Variants in TECTB observed in about 807,000 individuals in gnomAD.
The protein encoded by TECTB is beta-tectorin.
In TECTB, 45 loss-of-function variants were observed where a neutral mutation model predicts 43.3. The observed-to-expected ratio is 1.04, with a 90% CI of 0.82 to 1.33. The LOEUF is 1.33. TECTB is among the 40% of genes most tolerant of loss of function. TECTB has a pLI of 0.00. For synonymous variants in TECTB, 169 were observed against 156.7 expected (o/e 1.08, Z -0.59); for missense variants, 399 against 404.7 (o/e 0.99, Z 0.12).
At chr10:112,292,428 T>G (rs1365406442) in intron 5 of TECTB, among the ~76,000 whole-genome samples, 1 of 151,942 alleles carries the variant, frequency 6.6e-6, no homozygotes, top group Non-Finnish European at 1.5e-5. Context: ...AGTGTTTAGT[T>G]TTTGAGGTTT....
At position 112,299,885 on chromosome 10, in the gene TECTB, G is replaced by A. The variant is rs549460163; in HGVS notation, c.907+321G>A. Among the ~76,000 whole-genome samples the A allele has an allele frequency of 3.5e-4, 54 of 152,204 alleles. 1 individual carries two copies. In the South Asian group the frequency reaches 7.5e-3, roughly 21 times the overall value. On this transcript the variant is annotated intron_variant, in intron 9 of 10. Coordinates refer to ENST00000646139, the MANE Select transcript of TECTB (RefSeq NM_058222.3). ...ATAGAAAATGAGATGTCATGGGGCC[G>A]GGCTCGGTGGCTCACGCCTGTAATC...
Position 112,303,385 on chromosome 10 carries a change from G to C in TECTB, c.*73G>C. On this transcript the variant is annotated 3_prime_UTR_variant, in exon 11 of 11. Coordinates refer to ENST00000646139, the MANE Select transcript of TECTB (RefSeq NM_058222.3). ...GAATGACAAACACATTTATTGTGCT[G>C]CCAAAAAGAACAAACAGAAGACCAC... 6.3e-7 allele frequency: 1 copy of C among 1,580,194 alleles called. No homozygotes were observed. The highest frequency in any genetic ancestry group is 8.7e-7 in the Non-Finnish European group (1 of 1,149,854).
In TECTB at chr10:112,299,637, G is replaced by A. The variant is rs761643095; in HGVS notation, c.907+73G>A. On this transcript the variant is annotated intron_variant, in intron 9 of 10. Transcript: ENST00000646139. ...TGGGCTGCGTCCACAGGCACAGCCGGTTTGAGCATTTTTACTGAATTGCCA... is the reference window on the plus strand; with the variant it reads ...TGGGCTGCGTCCACAGGCACAGCCGATTTGAGCATTTTTACTGAATTGCCA... The A allele has an allele frequency of 5.8e-6, 9 of 1,550,210 alleles. No individual in the cohort carries two copies. In the Admixed American group the frequency reaches 1.2e-4, roughly 20 times the overall value.
rs1392277524 is a variant in TECTB at position 112,304,686 on chromosome 10, G to C, written c.*1374G>C. 1 of 141,488 alleles carries C rather than the reference G, an allele frequency of 7.1e-6. No homozygotes were observed. Among genetic ancestry groups the C allele is most frequent in the Non-Finnish European group, 1.5e-5 (1 of 68,008 alleles). 8.8% of individuals were successfully genotyped at this position (141,488 alleles called of 1,614,324 possible). A position where few individuals can be genotyped will look rare whatever the true frequency, so the allele number is the denominator to read the frequency against. ...TACAACTTGTGTTAGTGAACTCAGA[G>C]ATTAAACTAGTTATGAAATCTCCGG... On this transcript the variant is annotated 3_prime_UTR_variant, in exon 11 of 11. Coordinates refer to ENST00000646139, the MANE Select transcript of TECTB (RefSeq NM_058222.3).
chr10:112,288,003 C>T (rs1221521126), intron 5 of TECTB, among the ~76,000 whole-genome samples: 1 of 152,096 alleles, frequency 6.6e-6, no homozygotes, highest in Admixed American at 6.5e-5. Flanking sequence ...CTAAATACAG[C>T]ATGGGCCACC....
rs770716878 is a variant in TECTB, at chr10:112,301,394, TGA to T, written c.908-706_908-705del. ...TACACTCTAGCCTGGGCAACAAGAG[TGA>T]AACTCTGTCTCAAAAAAAAAAAAAA... On this transcript the variant is annotated intron_variant, in intron 9 of 10. Coordinates refer to ENST00000646139, the MANE Select transcript of TECTB (RefSeq NM_058222.3). Among the ~76,000 whole-genome samples the T allele has an allele frequency of 4.4e-5, 6 of 137,356 alleles. No individual in the cohort carries two copies. The East Asian group carries it at 1.1e-3, about 25-fold the overall frequency. 90.1% of individuals were successfully genotyped at this position (137,356 alleles called of 152,430 possible). A position where few individuals can be genotyped will look rare whatever the true frequency, so the allele number is the denominator to read the frequency against.
intron 7 of TECTB, 68 bp downstream of exon 7, chr10:112,294,129 G>T: frequency 1.5e-6 from 2 of 1,372,786 alleles, no homozygotes; most frequent in Non-Finnish European, 2.1e-6. Flanking sequence ...CTTTGCTCTG[G>T]CTTGGGAAAG....
chr10:112,290,451 A>C (rs547527545), intron 5 of TECTB, among the ~76,000 whole-genome samples: 1 of 152,226 alleles, frequency 6.6e-6, no homozygotes, highest in Non-Finnish European at 1.5e-5. Flanking sequence ...GAACTCAATC[A>C]TTAGTGTTCT....
At chr10:112,301,129 C>T (rs888422108) in intron 9 of TECTB, among the ~76,000 whole-genome samples, 4 of 152,192 alleles carry the variant, frequency 2.6e-5, no homozygotes, top group Admixed American at 1.3e-4. Context: ...GTAGAAATTA[C>T]GTGAAATTCA....
At chr10:112,286,538 T>G in intron 5 of TECTB, 147 bp downstream of exon 5, 1 of 832,240 alleles carries the variant, frequency 1.2e-6, no homozygotes, top group Non-Finnish European at 1.8e-6. Context: ...TTGGTTTAGC[T>G]TTAAACCTCT....
chr10:112,286,400 T>C lies in TECTB; in HGVS notation c.483+9T>C. ...CTCTCAACTTCTACACTGTAAGTGG[T>C]CTCCAGGTTCCCATTACTTCCCTGT... On this transcript the variant is annotated intron_variant, in intron 5 of 10. Transcript: ENST00000646139. The C allele has an allele frequency of 6.2e-7, 1 of 1,600,544 alleles. No individual in the cohort carries two copies. The highest frequency in any genetic ancestry group is 2.2e-5 in the East Asian group (1 of 44,460).
intron 9 of TECTB, 145 bp downstream of exon 9, chr10:112,299,709 TC>T: frequency 1.2e-6 from 1 of 809,410 alleles, no homozygotes; most frequent in Non-Finnish European, 2.0e-6. Context: ...CCTGGAGTCT[TC>T]CAGCCAGGGG....
Position 112,299,569 on chromosome 10 carries a change from GCGTCTC to G in TECTB, c.907+6_907+11del. The G allele has an allele frequency of 7.1e-6, 11 of 1,556,534 alleles. No individual in the cohort carries two copies. The highest frequency in any genetic ancestry group is 8.6e-6 in the Non-Finnish European group (10 of 1,157,108). Reference sequence around the variant, plus strand: ...TCGTGGAGCTCTCCCTGCGGAGTAAGCGTCTCTGTTTTCCTCTGTTTTCCAAACGGT... The same window carrying G: ...TCGTGGAGCTCTCCCTGCGGAGTAAGTGTTTTCCTCTGTTTTCCAAACGGT... On this transcript the variant is annotated splice_donor_region_variant and intron_variant, in intron 9 of 10. Coordinates refer to ENST00000646139, the MANE Select transcript of TECTB (RefSeq NM_058222.3).
In TECTB at chr10:112,298,075, C is replaced by A. The variant is rs1379154710; in HGVS notation, c.678C>A (p.Pro226=). 1 of 1,614,182 alleles carries A rather than the reference C, an allele frequency of 6.2e-7. No homozygotes were observed. Among genetic ancestry groups the A allele is most frequent in the East Asian group, 2.2e-5 (1 of 44,884 alleles). The change falls in exon 8 of 11, where the codon CCC becomes CCA. Residue 226 remains proline, a synonymous_variant. Transcript: ENST00000646139. ...CTTTCCCCATCTGCCTCAGCTGCCCCACGGATGAAACCGTCCTCGTGCATG... is the reference window on the plus strand; with the variant it reads ...CTTTCCCCATCTGCCTCAGCTGCCCAACGGATGAAACCGTCCTCGTGCATG... The part of the protein sequence containing the change: ...LQWQLINKGC[P]TDETVLVHEN...
intron 8 of TECTB, among the ~76,000 whole-genome samples, chr10:112,299,108 A>C (rs988539142): frequency 3.9e-5 from 6 of 152,196 alleles, no homozygotes; most frequent in African/African-American, 1.4e-4. Flanking sequence ...TATTTTTAAA[A>C]AGAAAGAAAA....
chr10:112,289,232 C>T (rs1848478614), intron 5 of TECTB, among the ~76,000 whole-genome samples: 1 of 152,226 alleles, frequency 6.6e-6, no homozygotes, highest in African/African-American at 2.4e-5. Context: ...GGGCTTCTAG[C>T]ATTGTTAACT....
intron 9 of TECTB, 141 bp from the exon 10 acceptor site, chr10:112,301,960 C>A: frequency 2.2e-6 from 2 of 916,446 alleles, no homozygotes; most frequent in Admixed American, 4.8e-5. Flanking sequence ...ACCCGCCCAC[C>A]TGGGCCTCCC....
chr10:112,283,516 C>A lies in TECTB; in HGVS notation c.-88+20C>A. The A allele has an allele frequency of 1.9e-6, 1 of 535,832 alleles. No individual in the cohort carries two copies. The highest frequency in any genetic ancestry group is 3.3e-6 in the Non-Finnish European group (1 of 303,158). The allele number at this position is 535,832 out of a possible 1,614,324, so 33.2% of individuals were successfully genotyped here. A position where few individuals can be genotyped will look rare whatever the true frequency, so the allele number is the denominator to read the frequency against. ...CCAACGGTATGAGCCCCACTTTTTG[C>A]CTCTCAGCGCTAACAGGAAACAATT... On this transcript the variant is annotated intron_variant, in intron 1 of 10. Transcript: ENST00000646139.
intron 8 of TECTB, 84 bp downstream of exon 8, chr10:112,298,315 A>C: frequency 6.6e-7 from 1 of 1,521,520 alleles, no homozygotes; most frequent in Admixed American, 2.0e-5. Context: ...GGAGATCATA[A>C]CCAGGCCAGG....
Sources: allele counts gnomAD v4.1 joint callset (sites outside exome capture counted in the v4.1 genomes callset), GRCh38; gene constraint gnomAD v4.1.1; transcripts MANE v1.5; gene names NCBI Gene and HGNC (gene_info 2026-07-23, HGNC 2026-07-21).